Variants in UBE2V1 observed in about 807,000 individuals in gnomAD.
UBE2V1 encodes ubiquitin-conjugating enzyme E2 variant 1.
A neutral mutation model predicts 19.6 loss-of-function variants in UBE2V1; 15 were observed. The ratio of observed to expected loss-of-function variants is 0.77; its 90% CI spans 0.51 to 1.18. The LOEUF is 1.18. UBE2V1 is among the 50% of genes most tolerant of loss of function. The probability of loss-of-function intolerance (pLI) is 0.00; values close to 1 mark genes in which losing one functional copy is unlikely to be tolerated. For missense variants in UBE2V1, 125 were observed against 184.8 expected (o/e 0.68, Z 1.88); for synonymous variants, 60 against 60.7 (o/e 0.99, Z 0.05).
rs144960812 is a variant in UBE2V1, at chr20:50,097,880, G to A, written c.23-1060C>T. Among the ~76,000 whole-genome samples, 241 of 152,356 alleles carry A rather than the reference G, an allele frequency of 1.6e-3. 1 individual carries two copies. Among genetic ancestry groups the A allele is most frequent in the African/African-American group, 5.6e-3 (231 of 41,588 alleles). The stretch of plus-strand genomic sequence containing the variant: ...GTTGCCAGTATATGTATTTCCCAAA[G>A]TGTAGGACACACGCCATTAATTCAA... On this transcript the variant is annotated intron_variant, in intron 1 of 3. Transcript: ENST00000371674.
At chr20:50,113,813 CCAAA>C (rs11469632), upstream of UBE2V1, among the ~76,000 whole-genome samples, 54,370 of 150,708 alleles carry the variant, frequency 0.36, 11,371 homozygotes, top group African/African-American at 0.59. Context: ...ATTCATTCAA[CCAAA>C]CAAACAAACA....
At chr20:50,092,645 C>A (rs1395730905) in intron 2 of UBE2V1, among the ~76,000 whole-genome samples, 1 of 152,194 alleles carries the variant, frequency 6.6e-6, no homozygotes, top group Non-Finnish European at 1.5e-5. Flanking sequence ...AGAAATATTC[C>A]ATGTCTAACG....
chr20:50,113,166 ACC>A, upstream of UBE2V1: 2 of 1,116,594 alleles, frequency 1.8e-6, no homozygotes, highest in Non-Finnish European at 1.1e-6. Context: ...CCCCTTCTTC[ACC>A]CCCCCCTTAC....
At chr20:50,101,175 C>T (rs994316658) in intron 1 of UBE2V1, among the ~76,000 whole-genome samples, 3 of 152,160 alleles carry the variant, frequency 2.0e-5, no homozygotes, top group African/African-American at 7.2e-5. Context: ...CATTATAGGA[C>T]AATTTGATTC....
intron 2 of UBE2V1, among the ~76,000 whole-genome samples, chr20:50,089,427 A>G (rs568816218): frequency 6.6e-6 from 1 of 152,362 alleles, no homozygotes; most frequent in South Asian, 2.1e-4. Flanking sequence ...AGGGTGGTAC[A>G]GACAGAACAA....
intron 2 of UBE2V1, among the ~76,000 whole-genome samples, chr20:50,088,410 G>C (rs2079043443): frequency 6.6e-6 from 1 of 152,158 alleles, no homozygotes; most frequent in Admixed American, 6.5e-5. Context: ...GCTAGCAACA[G>C]GGAAAAGGTA....
intron 1 of UBE2V1, among the ~76,000 whole-genome samples, chr20:50,105,701 T>C (rs1883687): frequency 0.34 from 51,418 of 151,968 alleles, 9,647 homozygotes; most frequent in African/African-American, 0.53. Flanking sequence ...GTAATCTCAG[T>C]ACTTTGAGAG....
chr20:50,105,895 A>G (rs1393246237), intron 1 of UBE2V1, among the ~76,000 whole-genome samples: 1 of 152,180 alleles, frequency 6.6e-6, no homozygotes, highest in Non-Finnish European at 1.5e-5. Context: ...ATGCCACTGC[A>G]GCCCAGCCTG....
intron 3 of UBE2V1, among the ~76,000 whole-genome samples, chr20:50,083,429 T>C (rs2078732317): frequency 6.6e-6 from 1 of 152,242 alleles, no homozygotes; most frequent in Non-Finnish European, 1.5e-5. Context: ...CTCAGGACTT[T>C]AGGTGGAACT....
intron 2 of UBE2V1, among the ~76,000 whole-genome samples, chr20:50,089,381 A>C (rs1217980466): frequency 1.3e-5 from 2 of 152,192 alleles, no homozygotes; most frequent in Admixed American, 6.5e-5. Flanking sequence ...TGGAGGTTGA[A>C]ACACACTGCT....
chr20:50,084,577 C>T (rs1019483704), intron 2 of UBE2V1: 98 of 481,692 alleles, frequency 2.0e-4, no homozygotes, highest in South Asian at 1.5e-3. Flanking sequence ...TGGTAAGAGG[C>T]ATTCTCTATT....
At chr20:50,094,142 C>G (rs2079444649) in intron 2 of UBE2V1, among the ~76,000 whole-genome samples, 1 of 119,066 alleles carries the variant, frequency 8.4e-6, no homozygotes, top group South Asian at 2.5e-4. Flanking sequence ...AATTATATAT[C>G]TTATATATAA....
At chr20:50,087,576 T>C (rs1382945260) in intron 2 of UBE2V1, among the ~76,000 whole-genome samples, 2 of 152,178 alleles carry the variant, frequency 1.3e-5, no homozygotes, top group Non-Finnish European at 2.9e-5. Context: ...GCTCTTAAGA[T>C]TCATTATTTG....
chr20:50,115,334 G>C, upstream of UBE2V1: 2 of 1,315,546 alleles, frequency 1.5e-6, no homozygotes, highest in Non-Finnish European at 9.9e-7. Flanking sequence ...CAAAGTGCCA[G>C]CACTGGCTAC....
rs149252686 is a variant in UBE2V1 at position 50,090,402 on chromosome 20, A to C, written c.172-6148T>G. Among the ~76,000 whole-genome samples the C allele has an allele frequency of 4.7e-4, 70 of 148,166 alleles. No individual in the cohort carries two copies. In the East Asian group the frequency reaches 0.014, roughly 29 times the overall value. On this transcript the variant is annotated intron_variant, in intron 2 of 3. Coordinates refer to ENST00000371674, the MANE Select transcript of UBE2V1 (RefSeq NM_001032288.3). ...AGTCGGAGAATTGCTTGAACCTGGG[A>C]GGCGGGGGCTGCAGTGAGCCGAGAT...
At chr20:50,108,368 C>T (rs1366452723) in intron 1 of UBE2V1, among the ~76,000 whole-genome samples, 1 of 152,178 alleles carries the variant, frequency 6.6e-6, no homozygotes, top group Non-Finnish European at 1.5e-5. Context: ...CTGCCATCTA[C>T]CCATGAATAA....
In UBE2V1 at chr20:50,091,076, T is replaced by C. The variant is rs139942884; in HGVS notation, c.171+5596A>G. ...AAAAATTTTTTTTGAGACAAGAGTCTCACTCTGTCACCCAGGTTGGAGTCC... is the reference window on the plus strand; with the variant it reads ...AAAAATTTTTTTTGAGACAAGAGTCCCACTCTGTCACCCAGGTTGGAGTCC... On this transcript the variant is annotated intron_variant, in intron 2 of 3. Transcript: ENST00000371674. Among the ~76,000 whole-genome samples, 608 of 152,270 alleles carry C rather than the reference T, an allele frequency of 4.0e-3. 3 individuals carry two copies. The highest frequency in any genetic ancestry group is 0.014 in the African/African-American group (589 of 41,532).
At position 50,082,111 on chromosome 20, in the gene UBE2V1, GC is replaced by G; in HGVS notation, c.*656del. ...GTGGGGGAGAGAAGATATGGGGAAAGCCCTGAATTCCTCACCGAAGGCCAAT... is the reference window on the plus strand; with the variant it reads ...GTGGGGGAGAGAAGATATGGGGAAAGCCTGAATTCCTCACCGAAGGCCAAT... On this transcript the variant is annotated 3_prime_UTR_variant, in exon 4 of 4. Transcript: ENST00000371674. 5.8e-6 allele frequency: 1 copy of G among 172,314 alleles called. No homozygotes were observed. The highest frequency in any genetic ancestry group is 1.2e-5 in the Non-Finnish European group (1 of 81,090). 10.7% of individuals were successfully genotyped at this position (172,314 alleles called of 1,614,324 possible). A position where few individuals can be genotyped will look rare whatever the true frequency, so the allele number is the denominator to read the frequency against.
intron 1 of UBE2V1, among the ~76,000 whole-genome samples, chr20:50,100,944 A>T (rs2079945980): frequency 6.6e-6 from 1 of 152,244 alleles, no homozygotes. Flanking sequence ...TCTGATATTT[A>T]ATTTTTACTT....
Sources: allele counts gnomAD v4.1 joint callset (sites outside exome capture counted in the v4.1 genomes callset), GRCh38; gene constraint gnomAD v4.1.1; transcripts MANE v1.5; gene names NCBI Gene and HGNC (gene_info 2026-07-23, HGNC 2026-07-21).